The following CEP97 variants were observed in gnomAD, a reference collection of about 807,000 sequenced individuals.
The protein encoded by CEP97 is centrosomal protein 97.
A neutral mutation model predicts 73.1 loss-of-function variants in CEP97; 43 were observed. The observed-to-expected ratio is 0.59, with a 90% CI of 0.46 to 0.76. The LOEUF is 0.76. Ranked by LOEUF, CEP97 falls within the 30% of genes least tolerant of loss-of-function variation. The probability of loss-of-function intolerance (pLI) is 0.00; values close to 1 mark genes in which losing one functional copy is unlikely to be tolerated. For missense variants in CEP97, 939 were observed against 1,014.0 expected (o/e 0.93, Z 1.00); for synonymous variants, 337 against 370.0 (o/e 0.91, Z 1.02).
intron 2 of CEP97, 44 bp from the exon 3 acceptor site, chr3:101,727,339 A>G: frequency 2.0e-6 from 3 of 1,505,034 alleles, no homozygotes; most frequent in South Asian, 2.4e-5. Flanking sequence ...GAAATATTTT[A>G]TATATGTTAT....
At chr3:101,742,682 T>A (rs372473490) in intron 6 of CEP97, among the ~76,000 whole-genome samples, 6 of 151,312 alleles carry the variant, frequency 4.0e-5, no homozygotes, top group African/African-American at 1.5e-4. Flanking sequence ...TGCGTATACC[T>A]ATGTAATAAA....
chr3:101,734,067 G>A (rs1419351157), intron 6 of CEP97, among the ~76,000 whole-genome samples: 1 of 148,056 alleles, frequency 6.8e-6, no homozygotes, highest in Non-Finnish European at 1.5e-5. Flanking sequence ...CTCAGGTGAT[G>A]CGCCCGCCTC....
chr3:101,729,216 G>A (rs1039678738), intron 4 of CEP97, among the ~76,000 whole-genome samples: 14 of 151,872 alleles, frequency 9.2e-5, no homozygotes, highest in African/African-American at 3.4e-4. Flanking sequence ...ATAGTGGTGC[G>A]AGCCTGTAGT....
intron 1 of CEP97, 44 bp from the exon 2 acceptor site, chr3:101,726,550 T>C: frequency 6.6e-7 from 1 of 1,506,726 alleles, no homozygotes; most frequent in Non-Finnish European, 9.0e-7. Flanking sequence ...GTTGTACATG[T>C]TTTATTTTAT....
In CEP97 at chr3:101,752,897, C is replaced by G. The variant is rs1164885607; in HGVS notation, c.729-2533C>G. ...CTGAAGCCTTCTTCTCTCAGCTCGT[C>G]AAAGTCATTCTCCGTCCAGCTTTGT... On this transcript the variant is annotated intron_variant, in intron 6 of 10. Transcript: ENST00000341893. Among the ~76,000 whole-genome samples the G allele has an allele frequency of 2.0e-5, 3 of 152,228 alleles. No individual in the cohort carries two copies. In the South Asian group the frequency reaches 6.2e-4, roughly 31 times the overall value.
At chr3:101,734,469 A>T (rs955936993) in intron 6 of CEP97, among the ~76,000 whole-genome samples, 9 of 152,146 alleles carry the variant, frequency 5.9e-5, no homozygotes, top group African/African-American at 2.2e-4. Context: ...TAGTTACTTC[A>T]GGAGTTTCCT....
chr3:101,770,095 G>T lies in CEP97; in HGVS notation c.*4544G>T, dbSNP rs769783005. ...GCTGGAGTGCAGTGGCGTGATCTCGGCTCACTGCAACCTCCATCTCCTGGG... is the reference window on the plus strand; with the variant it reads ...GCTGGAGTGCAGTGGCGTGATCTCGTCTCACTGCAACCTCCATCTCCTGGG... On this transcript the variant is annotated 3_prime_UTR_variant, in exon 11 of 11. Transcript: ENST00000341893. 1.3e-5 allele frequency: 2 copies of T among 152,170 alleles called. No homozygotes were observed. The highest frequency in any genetic ancestry group is 2.4e-5 in the African/African-American group (1 of 41,392). 9.4% of individuals were successfully genotyped at this position (152,170 alleles called of 1,614,324 possible).
intron 4 of CEP97, among the ~76,000 whole-genome samples, chr3:101,730,123 A>G (rs1285624770): frequency 4.0e-5 from 6 of 151,288 alleles, no homozygotes; most frequent in East Asian, 4.0e-4. Flanking sequence ...AGATCTTACT[A>G]TGTTGTCTAG....
chr3:101,743,872 C>T (rs752713603), intron 6 of CEP97, among the ~76,000 whole-genome samples: 2 of 151,922 alleles, frequency 1.3e-5, no homozygotes, highest in Admixed American at 6.6e-5. Context: ...GGTATGGTCG[C>T]GCGTGCCTAT....
At chr3:101,732,446 C>A (rs1389730714) in intron 5 of CEP97, 42 bp from the exon 6 acceptor site, 9 of 1,459,556 alleles carry the variant, frequency 6.2e-6, no homozygotes, top group Non-Finnish European at 7.6e-6. Context: ...GTGCTTGACA[C>A]TGAATAGTCC....
At chr3:101,757,325 C>A in intron 8 of CEP97, 129 bp downstream of exon 8, 2 of 978,504 alleles carry the variant, frequency 2.0e-6, no homozygotes, top group Non-Finnish European at 3.0e-6. Context: ...TCATTTAGAT[C>A]TTATACATAT....
intron 10 of CEP97, among the ~76,000 whole-genome samples, chr3:101,763,756 C>T (rs1002669971): frequency 5.3e-5 from 8 of 152,086 alleles, no homozygotes; most frequent in African/African-American, 1.9e-4. Flanking sequence ...ATATTGTTAG[C>T]TAATACTTAA....
chr3:101,730,237 T>C (rs564454775), intron 4 of CEP97, among the ~76,000 whole-genome samples: 2 of 50,150 alleles, frequency 4.0e-5, no homozygotes, highest in Admixed American at 1.5e-4. Context: ...TGTTTTTTTG[T>C]TTTGTTTTGT....
At chr3:101,756,173 T>A (rs1938999682) in intron 7 of CEP97, among the ~76,000 whole-genome samples, 1 of 151,516 alleles carries the variant, frequency 6.6e-6, no homozygotes, top group African/African-American at 2.4e-5. Flanking sequence ...GATTCTCGGG[T>A]CTAAGCCTCC....
intron 6 of CEP97, among the ~76,000 whole-genome samples, chr3:101,748,303 G>C (rs1938690205): frequency 1.3e-5 from 2 of 151,390 alleles, no homozygotes; most frequent in Admixed American, 6.6e-5. Context: ...GAATTCATGT[G>C]AAGCAAAGTG....
intron 4 of CEP97, among the ~76,000 whole-genome samples, chr3:101,731,440 A>G (rs144765053): frequency 2.0e-5 from 3 of 152,084 alleles, no homozygotes; most frequent in Non-Finnish European, 2.9e-5. Context: ...GGCTCAAGCA[A>G]TCTTCCCTCC....
In CEP97 at chr3:101,752,700, T is replaced by C. The variant is rs1298335224; in HGVS notation, c.729-2730T>C. On this transcript the variant is annotated intron_variant, in intron 6 of 10. Coordinates refer to ENST00000341893, the MANE Select transcript of CEP97 (RefSeq NM_024548.4). ...GTTGATCGCATCGGCTCCTGAGTCT[T>C]CTGCATTCTTCACGTAGTTCTCGAG... Among the ~76,000 whole-genome samples, 9 of 152,242 alleles carry C rather than the reference T, an allele frequency of 5.9e-5. No individual in the cohort carries two copies. The East Asian group carries it at 1.7e-3, about 29-fold the overall frequency.
At chr3:101,742,871 G>T (rs955766177) in intron 6 of CEP97, among the ~76,000 whole-genome samples, 21 of 151,808 alleles carry the variant, frequency 1.4e-4, no homozygotes, top group African/African-American at 4.6e-4. Flanking sequence ...AATAAATAAA[G>T]AATTGTAAAA....
At chr3:101,729,543 T>C (rs1938025545) in intron 4 of CEP97, among the ~76,000 whole-genome samples, 1 of 152,098 alleles carries the variant, frequency 6.6e-6, no homozygotes, top group Admixed American at 6.6e-5. Context: ...TACATAATCT[T>C]TGGTGAGGTT....
Sources: allele counts gnomAD v4.1 joint callset (sites outside exome capture counted in the v4.1 genomes callset), GRCh38; gene constraint gnomAD v4.1.1; transcripts MANE v1.5; gene names NCBI Gene and HGNC (gene_info 2026-07-23, HGNC 2026-07-21).